Variants in FDFT1 observed in about 807,000 individuals in gnomAD.
The protein encoded by FDFT1 is farnesyl-diphosphate farnesyltransferase 1.
In FDFT1, 68 loss-of-function variants were observed where a neutral mutation model predicts 46.8. The observed-to-expected ratio is 1.45, with a 90% CI of 1.19 to 1.78. The LOEUF (loss-of-function observed/expected upper bound fraction) is 1.78, where lower values mean the gene tolerates loss of function less well. FDFT1 is among the 40% of genes most tolerant of loss of function. FDFT1 has a pLI of 0.00. For synonymous variants in FDFT1, 351 were observed against 185.1 expected (o/e 1.90, Z -7.28); for missense variants, 928 against 524.4 (o/e 1.77, Z -7.52).
upstream of FDFT1, chr8:11,797,832 C>G (rs894068763): frequency 2.0e-5 from 3 of 152,090 alleles, no homozygotes; most frequent in Non-Finnish European, 2.9e-5. Context: ...GGGCCAAGGC[C>G]GGATGTGAAG....
chr8:11,817,288 T>C (rs1585919497), intron 3 of FDFT1, among the ~76,000 whole-genome samples: 1 of 152,342 alleles, frequency 6.6e-6, no homozygotes, highest in East Asian at 1.9e-4. Context: ...TTATAGAGGA[T>C]TTTCGCATCA....
intron 3 of FDFT1, among the ~76,000 whole-genome samples, chr8:11,819,647 G>C (rs190080116): frequency 6.6e-6 from 1 of 151,986 alleles, no homozygotes; most frequent in Non-Finnish European, 1.5e-5. Flanking sequence ...GGCTATTGAA[G>C]CTTGTTTATG....
Position 11,808,443 on chromosome 8 carries a change from T to TCCCGC in FDFT1, c.100-347_100-343dup, listed in dbSNP as rs1414132640. ...CGTATTCGAGTAGAGGGCGAGCCCG[T>TCCCGC]CCCGCCCCTCGTCGGGCGCTTCCCA... On this transcript the variant is annotated intron_variant, in intron 1 of 7. Transcript: ENST00000220584. 5 of 1,270,906 alleles carry TCCCGC rather than the reference T, an allele frequency of 3.9e-6. No homozygotes were observed. The African/African-American group carries it at 6.2e-5, about 16-fold the overall frequency. 78.7% of individuals were successfully genotyped at this position (1,270,906 alleles called of 1,614,324 possible). A position where few individuals can be genotyped will look rare whatever the true frequency, so the allele number is the denominator to read the frequency against.
intron 5 of FDFT1, 104 bp downstream of exon 5, chr8:11,826,319 C>A: frequency 2.5e-6 from 2 of 803,586 alleles, no homozygotes; most frequent in Non-Finnish European, 3.9e-6. Flanking sequence ...TCAGGCCTCC[C>A]CCAGGCAGCA....
intron 4 of FDFT1, among the ~76,000 whole-genome samples, chr8:11,824,275 A>G (rs891477572): frequency 5.9e-5 from 9 of 152,314 alleles, no homozygotes; most frequent in African/African-American, 1.9e-4. Context: ...GTCTTAGGAT[A>G]CCCTTTTCAG....
upstream of FDFT1, chr8:11,802,718 G>C: frequency 2.5e-6 from 2 of 800,930 alleles, no homozygotes; most frequent in Non-Finnish European, 4.1e-6. Flanking sequence ...TACTAGGCCT[G>C]CCCCCTGTCC....
chr8:11,822,855 C>T (rs1163120342), intron 4 of FDFT1, among the ~76,000 whole-genome samples: 1 of 152,122 alleles, frequency 6.6e-6, no homozygotes, highest in South Asian at 2.1e-4. Context: ...TGGCCAAGAA[C>T]CAGCACTGGT....
chr8:11,835,487 C>G (rs1488626810), intron 7 of FDFT1, among the ~76,000 whole-genome samples: 2 of 152,168 alleles, frequency 1.3e-5, no homozygotes, highest in Non-Finnish European at 1.5e-5. Context: ...CTGTCACAAC[C>G]AAGATTTCTC....
chr8:11,817,696 G>A (rs949986033), intron 3 of FDFT1, among the ~76,000 whole-genome samples: 3 of 152,166 alleles, frequency 2.0e-5, no homozygotes, highest in African/African-American at 7.2e-5. Flanking sequence ...GTATTTCTGT[G>A]GGATTGGTGG....
At chr8:11,816,732 T>G (rs561508062) in intron 3 of FDFT1, among the ~76,000 whole-genome samples, 1 of 152,340 alleles carries the variant, frequency 6.6e-6, no homozygotes, top group Non-Finnish European at 1.5e-5. Context: ...ATCCTGAGAC[T>G]TTGCTGAAGT....
intron 4 of FDFT1, among the ~76,000 whole-genome samples, chr8:11,825,710 T>C (rs1485788576): frequency 6.7e-6 from 1 of 150,196 alleles, no homozygotes; most frequent in Non-Finnish European, 1.5e-5. Flanking sequence ...AAAATAAAAA[T>C]AAAAAAATGT....
At chr8:11,824,419 G>T (rs994460048) in intron 4 of FDFT1, among the ~76,000 whole-genome samples, 3 of 152,120 alleles carry the variant, frequency 2.0e-5, no homozygotes, top group Admixed American at 6.6e-5. Flanking sequence ...AAAGAAAAGG[G>T]GAAGTTTTAG....
rs781128137 is a variant in FDFT1, at chr8:11,822,989, C to T, written c.510+1111C>T. 1.3e-4 allele frequency among the ~76,000 whole-genome samples: 20 copies of T among 152,124 alleles called. 1 individual carries two copies. Among genetic ancestry groups the T allele is most frequent in the Non-Finnish European group, 2.8e-4 (19 of 68,014 alleles). On this transcript the variant is annotated intron_variant, in intron 4 of 7. Transcript: ENST00000220584. ...AAATTTTTTTTGAGACAGGGTCTTG[C>T]TGTTATCCAGGCTGGTGTGTAGTGG...
intron 1 of FDFT1, chr8:11,803,646 A>T (rs1024363260): frequency 1.3e-5 from 6 of 477,022 alleles, no homozygotes; most frequent in Admixed American, 4.8e-5. Context: ...TGAATAGACA[A>T]ATTCAGCCAA....
In FDFT1 at chr8:11,826,062, T is replaced by G; in HGVS notation, c.549T>G (p.Leu183=). 1 of 1,604,984 alleles carries G rather than the reference T, an allele frequency of 6.2e-7. No individual in the cohort carries two copies. The highest frequency in any genetic ancestry group is 8.5e-7 in the Non-Finnish European group (1 of 1,172,884). The change falls in exon 5 of 8, where the codon CTT becomes CTG. Residue 183 remains leucine (L), a synonymous_variant. Transcript: ENST00000220584. ...HYVAGLVGIG[L]SRLFSASEFE... ...TTGCTGGGCTGGTCGGAATTGGCCT[T>G]TCCCGTCTTTTCTCAGCCTCAGAGT...
rs1256035036 is a variant in FDFT1, at chr8:11,839,176, A to ATT, written c.*569_*570dup. On this transcript the variant is annotated 3_prime_UTR_variant, in exon 8 of 8. Transcript: ENST00000220584. Reference sequence around the variant, plus strand: ...AAATTCTGGGTATTCTCGTATTCTCATTTAAAGGAGTTTAGCTTTCAGAGA... The same window carrying ATT: ...AAATTCTGGGTATTCTCGTATTCTCATTTTTAAAGGAGTTTAGCTTTCAGAGA... 6.5e-6 allele frequency: 1 copy of ATT among 154,218 alleles called. No homozygotes were observed. Among genetic ancestry groups the ATT allele is most frequent in the African/African-American group, 2.4e-5 (1 of 41,460 alleles). The allele number at this position is 154,218 out of a possible 1,614,324, so 9.6% of individuals were successfully genotyped here. A position where few individuals can be genotyped will look rare whatever the true frequency, so the allele number is the denominator to read the frequency against.
At chr8:11,802,692 G>C (rs1737447477), upstream of FDFT1, 29 of 668,668 alleles carry the variant, frequency 4.3e-5, 1 homozygote, top group South Asian at 5.3e-4. Context: ...GCGGAGCGGC[G>C]GGCGGGGCGT....
chr8:11,799,943 T>A (rs11775884), upstream of FDFT1, among the ~76,000 whole-genome samples: 11,208 of 130,920 alleles, frequency 0.086, 627 homozygotes, highest in South Asian at 0.13. Context: ...AGACTCCATT[T>A]AAAAAAAAAA....
chr8:11,832,706 G>C (rs1243829290), intron 7 of FDFT1, among the ~76,000 whole-genome samples: 2 of 152,100 alleles, frequency 1.3e-5, no homozygotes, highest in East Asian at 3.9e-4. Context: ...ATTTTTGATT[G>C]TCCTAACCGG....
Sources: gnomAD v4.1 joint callset for allele counts (sites outside exome capture counted in the v4.1 genomes callset) on GRCh38, gnomAD v4.1.1 for gene constraint, MANE v1.5 for transcripts, NCBI Gene and HGNC (gene_info 2026-07-23, HGNC 2026-07-21) for gene names.